SAMD4A: variants seen among roughly 807,000 people sequenced by gnomAD.
The protein encoded by SAMD4A is protein Smaug homolog 1.
A neutral mutation model predicts 81.3 loss-of-function variants in SAMD4A; 33 were observed. The observed-to-expected ratio is 0.41, with a 90% CI of 0.31 to 0.54. SAMD4A has a LOEUF of 0.54. Ranked by LOEUF, SAMD4A falls within the 20% of genes least tolerant of loss-of-function variation. SAMD4A has a pLI of 0.37. For synonymous variants in SAMD4A, 389 were observed against 382.1 expected, an observed-to-expected ratio of 1.02 and a Z score of -0.21; for missense variants, 854 against 951.1, an observed-to-expected ratio of 0.90 and a Z score of 1.34.
chr14:54,771,565 A>T (rs2038706111), intron 9 of SAMD4A, among the ~76,000 whole-genome samples: 2 of 152,168 alleles, frequency 1.3e-5, no homozygotes. Context: ...GTTGGACTAG[A>T]CTACCTCTTT....
rs115480426 is a variant in SAMD4A at position 54,778,928 on chromosome 14, A to C, written c.2044+2388A>C. Among the ~76,000 whole-genome samples the C allele has an allele frequency of 8.4e-3, 1,282 of 151,984 alleles. 19 individuals carry two copies. The highest frequency in any genetic ancestry group is 0.029 in the African/African-American group (1,206 of 41,244). On this transcript the variant is annotated intron_variant, in intron 11 of 12. Transcript: ENST00000554335. ...GCCCCTGCTTAAGGGCACAGGGTTG[A>C]GGTTCCTCAGCCCTTGCCAATCATT...
At chr14:54,728,781 G>C (rs2037488302) in intron 3 of SAMD4A, among the ~76,000 whole-genome samples, 1 of 152,154 alleles carries the variant, frequency 6.6e-6, no homozygotes, top group Non-Finnish European at 1.5e-5. Flanking sequence ...AAAAAATACT[G>C]TTTGATCAAG....
chr14:54,731,577 A>T (rs777861241), intron 3 of SAMD4A, among the ~76,000 whole-genome samples: 1 of 152,240 alleles, frequency 6.6e-6, no homozygotes, highest in Non-Finnish European at 1.5e-5. Context: ...ACTTATTTTT[A>T]TAAGGTTTAG....
rs147505604 is a variant in SAMD4A, at chr14:54,587,048, C to G, written c.196+18936C>G. 1.9e-3 allele frequency among the ~76,000 whole-genome samples: 287 copies of G among 152,194 alleles called. 1 individual carries two copies. The highest frequency in any genetic ancestry group is 6.7e-3 in the African/African-American group (278 of 41,546). ...GGTCATTTTCATAATATTGATTCTA[C>G]CTATCCATGAGAATGGGATGTGTTT... On this transcript the variant is annotated intron_variant, in intron 2 of 12. Transcript: ENST00000554335.
intron 2 of SAMD4A, among the ~76,000 whole-genome samples, chr14:54,633,509 GAGGGAGAC>G (rs759863595): frequency 1.3e-5 from 2 of 152,126 alleles, no homozygotes; most frequent in Non-Finnish European, 2.9e-5. Flanking sequence ...GGGACAAGTA[GAGGGAGAC>G]AGGGAGATTA....
Position 54,760,421 on chromosome 14 carries a change from C to G in SAMD4A, c.1437C>G (p.Cys479Trp). The G allele has an allele frequency of 6.9e-7, 1 of 1,445,904 alleles. No individual in the cohort carries two copies. Among genetic ancestry groups the G allele is most frequent in the Non-Finnish European group, 9.0e-7 (1 of 1,110,282 alleles). The allele number at this position is 1,445,904 out of a possible 1,614,324, so 89.6% of individuals were successfully genotyped here. A position where few individuals can be genotyped will look rare whatever the true frequency, so the allele number is the denominator to read the frequency against. The change falls in exon 7 of 13, where the codon TGC becomes TGG. Residue 479 changes from cysteine to tryptophan, a missense_variant. By Grantham distance (215) the Cys-to-Trp change is radical. This residue lies in a region of SAMD4A where 428 missense variants were observed against 471.2 expected (regional missense o/e 0.91). Coordinates refer to ENST00000554335, the MANE Select transcript of SAMD4A (RefSeq NM_015589.6). ...TCCAGCCGCACCAGCTGAGCAGCTGCGATGGGGAGCTGGCCGTCGCCCCCC... is the reference window on the plus strand; with the variant it reads ...TCCAGCCGCACCAGCTGAGCAGCTGGGATGGGGAGCTGGCCGTCGCCCCCC... Reference protein sequence around the residue: ...GGLQPHQLSSCDGELAVAPLP... With the variant: ...GGLQPHQLSSWDGELAVAPLP...
At chr14:54,748,428 G>A (rs1002944397) in intron 4 of SAMD4A, among the ~76,000 whole-genome samples, 1 of 152,212 alleles carries the variant, frequency 6.6e-6, no homozygotes, top group Non-Finnish European at 1.5e-5. Context: ...AGCTAATGCA[G>A]TTGTTCCCTG....
At chr14:54,596,626 T>C (rs1489619473) in intron 2 of SAMD4A, among the ~76,000 whole-genome samples, 1 of 151,928 alleles carries the variant, frequency 6.6e-6, no homozygotes, top group Non-Finnish European at 1.5e-5. Context: ...AAGGGCCTTC[T>C]CTCCTAGGAG....
At chr14:54,777,424 A>G (rs2038883862) in intron 11 of SAMD4A, among the ~76,000 whole-genome samples, 1 of 152,244 alleles carries the variant, frequency 6.6e-6, no homozygotes, top group Non-Finnish European at 1.5e-5. Context: ...AGTTACAGGC[A>G]GAAGGAACCC....
intron 2 of SAMD4A, among the ~76,000 whole-genome samples, chr14:54,665,775 G>C (rs147739540): frequency 1.8e-3 from 273 of 152,182 alleles, no homozygotes; most frequent in Non-Finnish European, 3.2e-3. Context: ...GGATTTTCTG[G>C]GTCTAGAATA....
intron 2 of SAMD4A, among the ~76,000 whole-genome samples, chr14:54,646,781 G>C (rs563289638): frequency 6.6e-6 from 1 of 152,278 alleles, no homozygotes; most frequent in East Asian, 1.9e-4. Context: ...TCTTCTTCTT[G>C]TTTTGTTTTT....
At chr14:54,660,085 A>G (rs8022135) in intron 2 of SAMD4A, among the ~76,000 whole-genome samples, 76,603 of 151,182 alleles carry the variant, frequency 0.51, 19,847 homozygotes, top group African/African-American at 0.59. Flanking sequence ...GTCTCAGAAA[A>G]AAAAAAAAAA....
chr14:54,592,056 C>T (rs2140186093), intron 2 of SAMD4A, among the ~76,000 whole-genome samples: 1 of 152,178 alleles, frequency 6.6e-6, no homozygotes, highest in Admixed American at 6.5e-5. Flanking sequence ...CCCCCTCTTC[C>T]CCCTCCCCAT....
At chr14:54,669,627 A>C (rs2035833980) in intron 2 of SAMD4A, among the ~76,000 whole-genome samples, 1 of 151,006 alleles carries the variant, frequency 6.6e-6, no homozygotes, top group Non-Finnish European at 1.5e-5. Flanking sequence ...CCCGGCTAGC[A>C]CTCCTTTCTT....
At chr14:54,717,477 C>T (rs981504872) in intron 3 of SAMD4A, among the ~76,000 whole-genome samples, 2 of 151,696 alleles carry the variant, frequency 1.3e-5, no homozygotes, top group Admixed American at 1.3e-4. Flanking sequence ...TTTTTCATGC[C>T]TATGATGTTG....
chr14:54,751,537 G>A lies in SAMD4A; in HGVS notation c.1176G>A (p.Arg392=). Residue 392 remains arginine, a splice_region_variant and synonymous_variant, in exon 6 of 13, where the codon AGG becomes AGA. Transcript: ENST00000554335. ...ERQNLLKSLE[R]DIIEGGSLRI... Reference sequence around the variant, plus strand: ...AAAATCTCCTGAAGTCTTTGGAAAGGGTAAGTTATCGGATGAGGGAACATT... The same window carrying A: ...AAAATCTCCTGAAGTCTTTGGAAAGAGTAAGTTATCGGATGAGGGAACATT... 1.3e-6 allele frequency: 2 copies of A among 1,584,162 alleles called. No individual in the cohort carries two copies. Among genetic ancestry groups the A allele is most frequent in the Non-Finnish European group, 8.6e-7 (1 of 1,156,108 alleles).
At chr14:54,766,542 CT>C (rs2038548709) in intron 8 of SAMD4A, among the ~76,000 whole-genome samples, 1 of 152,128 alleles carries the variant, frequency 6.6e-6, no homozygotes, top group Non-Finnish European at 1.5e-5. Context: ...ACCCTGAGAC[CT>C]GAAAGGCAAG....
chr14:54,724,259 C>T (rs1051548999), intron 3 of SAMD4A, among the ~76,000 whole-genome samples: 9 of 152,140 alleles, frequency 5.9e-5, no homozygotes, highest in South Asian at 2.1e-4. Context: ...AGAAGCAACA[C>T]GGTGTCAGGC....
chr14:54,592,177 C>T (rs1392065081), intron 2 of SAMD4A, among the ~76,000 whole-genome samples: 3 of 152,114 alleles, frequency 2.0e-5, no homozygotes, highest in African/African-American at 4.8e-5. Context: ...TTGAACTACC[C>T]TAGCAATTGT....
Sources: gnomAD v4.1 joint callset for allele counts (sites outside exome capture counted in the v4.1 genomes callset) on GRCh38, gnomAD v4.1.1 for gene constraint, gnomAD v4.1.1 regional missense constraint, MANE v1.5 for transcripts, NCBI Gene and HGNC (gene_info 2026-07-23, HGNC 2026-07-21) for gene names.